The following AIDA variants were observed in gnomAD, a reference collection of about 807,000 sequenced individuals.
The protein encoded by AIDA is axin interactor, dorsalization-associated protein.
AIDA carries 18 observed loss-of-function variants against 42.7 expected under a neutral mutation model. The observed-to-expected ratio is 0.42, with a 90% CI of 0.29 to 0.63. AIDA has a LOEUF of 0.63. Ranked by LOEUF, AIDA falls within the 20% of genes least tolerant of loss-of-function variation. The probability of loss-of-function intolerance (pLI) is 0.19; values close to 1 mark genes in which losing one functional copy is unlikely to be tolerated. For missense variants in AIDA, 250 were observed against 354.1 expected (o/e 0.71, Z 2.36); for synonymous variants, 104 against 122.9 (o/e 0.85, Z 1.02).
intron 2 of AIDA, among the ~76,000 whole-genome samples, chr1:222,700,699 G>T (rs1314042873): frequency 6.6e-6 from 1 of 150,486 alleles, no homozygotes; most frequent in Non-Finnish European, 1.5e-5. Flanking sequence ...AGCTTGCAGT[G>T]AGCCGAGATA....
intron 6 of AIDA, among the ~76,000 whole-genome samples, chr1:222,685,053 C>G (rs1664718363): frequency 6.6e-6 from 1 of 152,156 alleles, no homozygotes; most frequent in Non-Finnish European, 1.5e-5. Flanking sequence ...AAATATAGCT[C>G]TATCTTCATA....
At chr1:222,684,197 C>T (rs926553339) in intron 6 of AIDA, among the ~76,000 whole-genome samples, 7 of 151,946 alleles carry the variant, frequency 4.6e-5, no homozygotes, top group Non-Finnish European at 8.8e-5. Context: ...ACGGCACCTC[C>T]GCCTCCCAGG....
intron 2 of AIDA, among the ~76,000 whole-genome samples, chr1:222,697,991 G>A (rs1655569346): frequency 6.6e-6 from 1 of 152,140 alleles, no homozygotes; most frequent in South Asian, 2.1e-4. Flanking sequence ...CATGAGACAG[G>A]ATATTCTATT....
chr1:222,706,059 G>A (rs1655831067), intron 1 of AIDA, among the ~76,000 whole-genome samples: 1 of 152,114 alleles, frequency 6.6e-6, no homozygotes, highest in African/African-American at 2.4e-5. Flanking sequence ...AGAAGGAAAG[G>A]AAGCATACAA....
intron 1 of AIDA, 80 bp downstream of exon 1, chr1:222,712,128 T>C (rs532010620): frequency 2.4e-5 from 37 of 1,543,654 alleles, no homozygotes; most frequent in Middle Eastern, 1.7e-4. Context: ...GCAGATACGG[T>C]GATGAGAGAC....
At chr1:222,670,062 A>G (rs1246077049) in intron 9 of AIDA, 71 bp downstream of exon 9, 1 of 1,607,840 alleles carries the variant, frequency 6.2e-7, no homozygotes, top group East Asian at 2.2e-5. Context: ...AATACTGGAT[A>G]TGGGGGATTC....
rs188368016 is a variant in AIDA at position 222,679,890 on chromosome 1, C to T, written c.461-3672G>A. On this transcript the variant is annotated intron_variant, in intron 6 of 9. Coordinates refer to ENST00000340020, the MANE Select transcript of AIDA (RefSeq NM_022831.4). ...ATGTGGACATCTTTGGGAAGGGATG[C>T]ATTATTTCTGCCTCACACTTCTAAA... is the stretch of plus-strand genomic sequence containing the variant. Among the ~76,000 whole-genome samples, 6 of 152,316 alleles carry T rather than the reference C, an allele frequency of 3.9e-5. No homozygotes were observed. The East Asian group carries it at 1.2e-3, about 29-fold the overall frequency.
rs567119023 is a variant in AIDA at position 222,670,420 on chromosome 1, G to A, written c.707-170C>T. 3.9e-5 allele frequency among the ~76,000 whole-genome samples: 6 copies of A among 152,248 alleles called. No individual in the cohort carries two copies. In the South Asian group the frequency reaches 6.2e-4, roughly 16 times the overall value. On this transcript the variant is annotated intron_variant, in intron 8 of 9. Coordinates refer to ENST00000340020, the MANE Select transcript of AIDA (RefSeq NM_022831.4). The stretch of plus-strand genomic sequence containing the variant: ...AGTAACTTACTATGGTTGTCACCCC[G>A]AACTCTTCTGTATCTGAGTAGAGTG...
chr1:222,683,131 T>C (rs563677747), intron 6 of AIDA, among the ~76,000 whole-genome samples: 2 of 152,340 alleles, frequency 1.3e-5, no homozygotes, highest in South Asian at 4.1e-4. Flanking sequence ...GACAAAATCT[T>C]AGGGGCCATT....
chr1:222,687,681 C>G, intron 4 of AIDA, 23 bp from the exon 5 acceptor site: 1 of 1,432,774 alleles, frequency 7.0e-7, no homozygotes, highest in South Asian at 1.3e-5. Context: ...GATAAAGAAA[C>G]ATGAATTCTT....
intron 1 of AIDA, 173 bp downstream of exon 1, chr1:222,712,035 T>A (rs1340079986): frequency 2.2e-6 from 2 of 914,528 alleles, no homozygotes; most frequent in Non-Finnish European, 3.3e-6. Context: ...GGAGCCGTTG[T>A]CCCTAGAGCA....
intron 4 of AIDA, among the ~76,000 whole-genome samples, chr1:222,688,936 G>A (rs1655272808): frequency 6.6e-6 from 1 of 152,092 alleles, no homozygotes; most frequent in South Asian, 2.1e-4. Context: ...TATCATAGGA[G>A]ATGACAGCTC....
chr1:222,692,816 T>C (rs374408026), intron 4 of AIDA, among the ~76,000 whole-genome samples: 2 of 152,196 alleles, frequency 1.3e-5, no homozygotes, highest in East Asian at 1.9e-4. Flanking sequence ...TGAAGAGATA[T>C]GTTTGAGTAA....
At chr1:222,702,692 T>G (rs1433376347) in intron 2 of AIDA, among the ~76,000 whole-genome samples, 1 of 152,232 alleles carries the variant, frequency 6.6e-6, no homozygotes, top group African/African-American at 2.4e-5. Flanking sequence ...TTGTTTTTTG[T>G]GTGTATTTGT....
At chr1:222,709,367 G>T (rs1409048916) in intron 1 of AIDA, among the ~76,000 whole-genome samples, 3 of 152,106 alleles carry the variant, frequency 2.0e-5, no homozygotes, top group Admixed American at 6.6e-5. Flanking sequence ...GGAGGCACAG[G>T]TTGCAGTGAG....
chr1:222,690,593 G>A (rs1655344117), intron 4 of AIDA, among the ~76,000 whole-genome samples: 1 of 152,086 alleles, frequency 6.6e-6, no homozygotes, highest in Non-Finnish European at 1.5e-5. Context: ...CCCAAAGGAG[G>A]AAATCCAGAG....
At chr1:222,699,543 A>T (rs1465887290) in intron 2 of AIDA, among the ~76,000 whole-genome samples, 4 of 152,206 alleles carry the variant, frequency 2.6e-5, no homozygotes, top group Admixed American at 2.6e-4. Context: ...ACACATGTGC[A>T]TACTAAAGGT....
chr1:222,707,983 C>CT (rs541147648), intron 1 of AIDA, among the ~76,000 whole-genome samples: 20 of 152,332 alleles, frequency 1.3e-4, no homozygotes, highest in African/African-American at 4.8e-4. Context: ...GTGGACCACA[C>CT]TTTAAGTAGC....
intron 4 of AIDA, among the ~76,000 whole-genome samples, chr1:222,693,204 G>A (rs1403461146): frequency 1.3e-5 from 2 of 152,028 alleles, no homozygotes; most frequent in Admixed American, 6.6e-5. Flanking sequence ...TTGTCTCAAT[G>A]AAAAATGAGA....
Sources: gnomAD v4.1 joint callset for allele counts (sites outside exome capture counted in the v4.1 genomes callset) on GRCh38, gnomAD v4.1.1 for gene constraint, MANE v1.5 for transcripts, NCBI Gene and HGNC (gene_info 2026-07-23, HGNC 2026-07-21) for gene names.